PAM: variants seen among roughly 807,000 people sequenced by gnomAD.
PAM encodes peptidylglycine alpha-amidating monooxygenase, also known as peptidyl-glycine alpha-amidating monooxygenase.
A neutral mutation model predicts 122.1 loss-of-function variants in PAM; 72 were observed. The ratio of observed to expected loss-of-function variants is 0.59; its 90% CI spans 0.49 to 0.72. The LOEUF (loss-of-function observed/expected upper bound fraction) is 0.72, where lower values mean the gene tolerates loss of function less well. PAM is among the 30% of genes least tolerant of loss of function. The pLI, the probability that PAM is intolerant of heterozygous loss-of-function variation, is 0.00. For missense variants in PAM, 1,106 were observed against 1,183.7 expected (o/e 0.93, Z 0.96); for synonymous variants, 389 against 404.4 (o/e 0.96, Z 0.46).
At chr5:102,829,220 G>A (rs1774635362) in intron 1 of PAM, among the ~76,000 whole-genome samples, 1 of 152,014 alleles carries the variant, frequency 6.6e-6, no homozygotes, top group African/African-American at 2.4e-5. Flanking sequence ...CGTACAAAAT[G>A]TATTCTCGGT....
chr5:102,830,752 G>GCTTTT (rs1775202896), intron 1 of PAM, among the ~76,000 whole-genome samples: 1 of 152,188 alleles, frequency 6.6e-6, no homozygotes, highest in Admixed American at 6.5e-5. Context: ...CCCCTGGTAT[G>GCTTTT]CTGTCTAGAT....
rs75577730 is a variant in PAM, at chr5:102,899,919, T to C, written c.211-1437T>C. Among the ~76,000 whole-genome samples the C allele has an allele frequency of 8.1e-3, 1,233 of 151,674 alleles. 22 individuals are homozygous for C. Among genetic ancestry groups the C allele is most frequent in the African/African-American group, 0.028 (1,150 of 41,454 alleles). ...TTATTTGGGAGGAGAAGCAAACTTA[T>C]TGTATCTTTATGACAGGAGGCAGTG... On this transcript the variant is annotated intron_variant, in intron 3 of 25. Coordinates refer to ENST00000438793, the MANE Select transcript of PAM (RefSeq NM_001177306.2).
chr5:102,777,724 G>A (rs974061533), intron 1 of PAM, among the ~76,000 whole-genome samples: 1 of 151,986 alleles, frequency 6.6e-6, no homozygotes, highest in African/African-American at 2.4e-5. Flanking sequence ...ATTCATTCCC[G>A]GGCCTGTTTT....
intron 3 of PAM, among the ~76,000 whole-genome samples, chr5:102,900,874 TTAAAG>T (rs1227036792): frequency 7.3e-5 from 11 of 151,532 alleles, no homozygotes; most frequent in Non-Finnish European, 1.3e-4. Context: ...ATAAAAAAAT[TTAAAG>T]TAAGGGAGGG....
intron 7 of PAM, among the ~76,000 whole-genome samples, chr5:102,940,572 C>T (rs924497798): frequency 1.3e-5 from 2 of 149,308 alleles, no homozygotes; most frequent in African/African-American, 5.0e-5. Context: ...CAGAGGTAAG[C>T]AGTTAGTAGG....
At chr5:102,871,264 A>G (rs141662711) in intron 3 of PAM, among the ~76,000 whole-genome samples, 1 of 152,300 alleles carries the variant, frequency 6.6e-6, no homozygotes, top group African/African-American at 2.4e-5. Context: ...CATAATGTTC[A>G]GTTGCCTTGC....
At chr5:102,757,864 C>G (rs1750926149) in intron 1 of PAM, among the ~76,000 whole-genome samples, 1 of 151,384 alleles carries the variant, frequency 6.6e-6, no homozygotes, top group African/African-American at 2.4e-5. Flanking sequence ...GTGAGACCTT[C>G]TCTCTACAAA....
intron 1 of PAM, among the ~76,000 whole-genome samples, chr5:102,843,701 A>C (rs1779254742): frequency 6.6e-6 from 1 of 152,224 alleles, no homozygotes; most frequent in Admixed American, 6.5e-5. Flanking sequence ...GGCAAAGGAC[A>C]TGAATAGACA....
chr5:102,957,823 C>T (rs747765947), intron 12 of PAM, among the ~76,000 whole-genome samples: 1 of 152,098 alleles, frequency 6.6e-6, no homozygotes, highest in Non-Finnish European at 1.5e-5. Flanking sequence ...CCATCGTGCC[C>T]GGCAGGCCAT....
intron 1 of PAM, among the ~76,000 whole-genome samples, chr5:102,769,471 G>A (rs1755115794): frequency 6.6e-6 from 1 of 152,002 alleles, no homozygotes; most frequent in Non-Finnish European, 1.5e-5. Context: ...TCTTGTAGAA[G>A]TTTCATAGTT....
chr5:102,907,132 C>A (rs1799811674), intron 4 of PAM, among the ~76,000 whole-genome samples: 1 of 151,690 alleles, frequency 6.6e-6, no homozygotes, highest in African/African-American at 2.4e-5. Context: ...TTGGTGGCAG[C>A]AGCTTGAAGT....
At chr5:102,896,553 GA>G (rs1171410358) in intron 3 of PAM, among the ~76,000 whole-genome samples, 1 of 151,594 alleles carries the variant, frequency 6.6e-6, no homozygotes, top group Non-Finnish European at 1.5e-5. Context: ...ACTGTTACAA[GA>G]TTACATTCTA....
chr5:102,843,785 T>C (rs1161321236), intron 1 of PAM, among the ~76,000 whole-genome samples: 7 of 152,228 alleles, frequency 4.6e-5, no homozygotes, highest in East Asian at 1.9e-4. Context: ...ATTAGGGAAA[T>C]GCAAATTAAA....
chr5:102,889,478 A>T (rs1794122351), intron 3 of PAM, among the ~76,000 whole-genome samples: 2 of 151,724 alleles, frequency 1.3e-5, no homozygotes, highest in South Asian at 4.2e-4. Context: ...GGGTGTTTTA[A>T]CATCCCTGCA....
chr5:102,839,500 G>A (rs1777992975), intron 1 of PAM, among the ~76,000 whole-genome samples: 1 of 142,292 alleles, frequency 7.0e-6, no homozygotes, highest in South Asian at 2.2e-4. Context: ...TCTCTTCACT[G>A]TACTCCAGCC....
intron 14 of PAM, among the ~76,000 whole-genome samples, chr5:102,963,561 G>T (rs1221193830): frequency 6.6e-6 from 1 of 151,758 alleles, no homozygotes; most frequent in Non-Finnish European, 1.5e-5. Flanking sequence ...ATACTTTTTA[G>T]CCCCAATAAG....
intron 1 of PAM, among the ~76,000 whole-genome samples, chr5:102,835,453 C>T (rs1196820053): frequency 5.3e-5 from 8 of 151,862 alleles, no homozygotes; most frequent in Admixed American, 2.0e-4. Context: ...TCTTTAAAAA[C>T]GAAAACACTT....
At chr5:102,842,925 C>T (rs1219807413) in intron 1 of PAM, among the ~76,000 whole-genome samples, 1 of 152,164 alleles carries the variant, frequency 6.6e-6, no homozygotes, top group Non-Finnish European at 1.5e-5. Flanking sequence ...AATCTAGAGA[C>T]ATTCTTATCC....
chr5:102,967,429 A>T (rs376626068), intron 14 of PAM, among the ~76,000 whole-genome samples: 2 of 152,302 alleles, frequency 1.3e-5, no homozygotes, highest in African/African-American at 4.8e-5. Flanking sequence ...TCAAGGAAAT[A>T]TTTTTATCTC....
Sources: allele counts gnomAD v4.1 joint callset (sites outside exome capture counted in the v4.1 genomes callset), GRCh38; gene constraint gnomAD v4.1.1; transcripts MANE v1.5; gene names NCBI Gene and HGNC (gene_info 2026-07-23, HGNC 2026-07-21).